The following NCOA1 variants were observed in gnomAD, a reference collection of about 807,000 sequenced individuals.
The protein encoded by NCOA1 is Hin-2 protein.
In NCOA1, 35 loss-of-function variants were observed where a neutral mutation model predicts 150.9. That is an observed-to-expected ratio of 0.23 (90% confidence interval 0.18 to 0.31). NCOA1 has a LOEUF of 0.31. NCOA1 is among the 10% of genes least tolerant of loss of function. The pLI, the probability that NCOA1 is intolerant of heterozygous loss-of-function variation, is 1.00. For missense variants in NCOA1, 1,491 were observed against 1,749.3 expected (o/e 0.85, Z 2.63); for synonymous variants, 590 against 630.0 (o/e 0.94, Z 0.95).
chr2:24,575,550 A>C (rs926393431), intron 2 of NCOA1, among the ~76,000 whole-genome samples: 4 of 150,800 alleles, frequency 2.7e-5, no homozygotes, highest in Non-Finnish European at 5.9e-5. Flanking sequence ...AGGTTTTGTG[A>C]TAAAGAGGCC....
At chr2:24,555,384 G>A in intron 1 of NCOA1, among the ~76,000 whole-genome samples, 1 of 152,028 alleles carries the variant, frequency 6.6e-6, no homozygotes, top group East Asian at 1.9e-4. Flanking sequence ...GCCAGAATAC[G>A]GTCCATGTTG....
At chr2:24,498,618 G>A (rs989481343) in intron 1 of NCOA1, among the ~76,000 whole-genome samples, 1 of 152,142 alleles carries the variant, frequency 6.6e-6, no homozygotes, top group African/African-American at 2.4e-5. Context: ...AGATTAAATA[G>A]CAAAGATGAA....
rs1394167370 is a variant in NCOA1, at chr2:24,769,960, G to T, written c.*1569G>T. On this transcript the variant is annotated 3_prime_UTR_variant, in exon 23 of 23. Coordinates refer to ENST00000348332, the MANE Select transcript of NCOA1 (RefSeq NM_003743.5). ...CATAAGAACAGTGGAAGAGGAGCAT[G>T]GACTCAGACTTCAAGGAAGAAGCCA... 4.4e-6 allele frequency: 1 copy of T among 226,876 alleles called. No homozygotes were observed. Among genetic ancestry groups the T allele is most frequent in the African/African-American group, 2.2e-5 (1 of 44,958 alleles). The allele number at this position is 226,876 out of a possible 1,614,324, so 14.1% of individuals were successfully genotyped here.
intron 2 of NCOA1, among the ~76,000 whole-genome samples, chr2:24,566,972 C>T (rs1666538240): frequency 6.6e-6 from 1 of 152,244 alleles, no homozygotes; most frequent in Non-Finnish European, 1.5e-5. Flanking sequence ...GCAGTTGCAG[C>T]TGCACCCAGG....
chr2:24,617,964 G>A (rs576688269), intron 3 of NCOA1, among the ~76,000 whole-genome samples: 15 of 152,014 alleles, frequency 9.9e-5, no homozygotes, highest in Non-Finnish European at 1.8e-4. Context: ...TGTAAACTTA[G>A]TGAAAAAAGA....
chr2:24,745,444 G>A (rs1572674516), intron 19 of NCOA1, among the ~76,000 whole-genome samples: 1 of 152,270 alleles, frequency 6.6e-6, no homozygotes, highest in East Asian at 1.9e-4. Flanking sequence ...TTACAGGCGT[G>A]AGCCACCGTG....
intron 1 of NCOA1, among the ~76,000 whole-genome samples, chr2:24,557,983 TC>T (rs1666140136): frequency 6.6e-6 from 1 of 151,556 alleles, no homozygotes; most frequent in Non-Finnish European, 1.5e-5. Flanking sequence ...TTTTTGGATC[TC>T]TGGTTCATTT....
At chr2:24,541,149 G>A (rs1665375629) in intron 1 of NCOA1, among the ~76,000 whole-genome samples, 1 of 152,232 alleles carries the variant, frequency 6.6e-6, no homozygotes, top group South Asian at 2.1e-4. Flanking sequence ...TCATGTATAA[G>A]TGATAATGGT....
intron 2 of NCOA1, among the ~76,000 whole-genome samples, chr2:24,573,208 G>A (rs954653660): frequency 1.3e-5 from 2 of 152,076 alleles, no homozygotes; most frequent in Admixed American, 1.3e-4. Context: ...GCAGATATGA[G>A]AAAAACAAAA....
chr2:24,512,083 C>T (rs1302394956), intron 1 of NCOA1, among the ~76,000 whole-genome samples: 1 of 152,122 alleles, frequency 6.6e-6, no homozygotes, highest in African/African-American at 2.4e-5. Flanking sequence ...AACTTTTGCA[C>T]TTATCGTAGA....
chr2:24,557,663 T>C (rs756779217), intron 1 of NCOA1, among the ~76,000 whole-genome samples: 7 of 152,142 alleles, frequency 4.6e-5, no homozygotes, highest in African/African-American at 9.7e-5. Flanking sequence ...TCAGGTATTA[T>C]TAGTTCAAAA....
chr2:24,756,161 G>C, intron 20 of NCOA1, among the ~76,000 whole-genome samples: 1 of 152,152 alleles, frequency 6.6e-6, no homozygotes, highest in African/African-American at 2.4e-5. Flanking sequence ...GGCTGAGGCA[G>C]GAGAATCACT....
chr2:24,709,824 T>C (rs2148601088), intron 13 of NCOA1, among the ~76,000 whole-genome samples: 1 of 152,324 alleles, frequency 6.6e-6, no homozygotes, highest in South Asian at 2.1e-4. Context: ...GACATATTCA[T>C]ACAGTGGGAC....
intron 14 of NCOA1, among the ~76,000 whole-genome samples, chr2:24,722,185 T>C (rs553507101): frequency 5.3e-5 from 8 of 152,164 alleles, no homozygotes; most frequent in Non-Finnish European, 1.2e-4. Flanking sequence ...TCAATCCACC[T>C]GGTTTCAAAA....
intron 8 of NCOA1, among the ~76,000 whole-genome samples, chr2:24,690,859 A>G (rs547631345): frequency 6.6e-6 from 1 of 152,250 alleles, no homozygotes; most frequent in South Asian, 2.1e-4. Context: ...CTTTTTTTAC[A>G]TAATAATATT....
chr2:24,654,228 A>G (rs1306802410), intron 4 of NCOA1, among the ~76,000 whole-genome samples: 1 of 152,166 alleles, frequency 6.6e-6, no homozygotes, highest in Non-Finnish European at 1.5e-5. Flanking sequence ...GGCTGTTGCA[A>G]GTCTGGTATA....
chr2:24,704,431 G>A (rs1329204147), intron 11 of NCOA1, among the ~76,000 whole-genome samples: 1 of 152,064 alleles, frequency 6.6e-6, no homozygotes, highest in Non-Finnish European at 1.5e-5. Context: ...AATATTTCCT[G>A]GTATTTTTAA....
At position 24,639,371 on chromosome 2, in the gene NCOA1, G is replaced by A. The variant is rs538999401; in HGVS notation, c.-174-4595G>A. The stretch of plus-strand genomic sequence containing the variant: ...TTACGTTGTTCAGAACACTATATTT[G>A]TATGATCTGTGGTGACATCCCTCAT... On this transcript the variant is annotated intron_variant, in intron 3 of 22. Coordinates refer to ENST00000348332, the MANE Select transcript of NCOA1 (RefSeq NM_003743.5). Among the ~76,000 whole-genome samples, 5 of 151,968 alleles carry A rather than the reference G, an allele frequency of 3.3e-5. No individual in the cohort carries two copies. In the East Asian group the frequency reaches 9.7e-4, roughly 29 times the overall value.
chr2:24,587,933 C>A (rs1043539891), intron 3 of NCOA1, among the ~76,000 whole-genome samples: 2 of 152,162 alleles, frequency 1.3e-5, no homozygotes, highest in African/African-American at 4.8e-5. Context: ...TGAATGATAG[C>A]CCTTGAAATC....
Sources: gnomAD v4.1 joint callset for allele counts (sites outside exome capture counted in the v4.1 genomes callset) on GRCh38, gnomAD v4.1.1 for gene constraint, MANE v1.5 for transcripts, NCBI Gene and HGNC (gene_info 2026-07-23, HGNC 2026-07-21) for gene names.